Variants in EBF3 observed in about 807,000 individuals in gnomAD.
EBF3 encodes transcription factor COE3.
In EBF3, 18 loss-of-function variants were observed where a neutral mutation model predicts 77.1. The ratio of observed to expected loss-of-function variants is 0.23; its 90% CI spans 0.16 to 0.35. The LOEUF (loss-of-function observed/expected upper bound fraction) is 0.35. Ranked by LOEUF, EBF3 falls within the 10% of genes least tolerant of loss-of-function variation. The pLI is 1.00. For missense variants in EBF3, 558 were observed against 860.0 expected, an observed-to-expected ratio of 0.65 and a Z score of 4.39; for synonymous variants, 350 against 343.5, an observed-to-expected ratio of 1.02 and a Z score of -0.21.
rs750469936 is a variant in EBF3 at position 129,840,888 on chromosome 10, G to A, written c.1517C>T (p.Ser506Leu). ...GGAGGAGCCATTAAGAAATCCAGGCGAGCCAGGGACCCCTAGACTGGCCAT... is the reference window on the plus strand; with the variant it reads ...GGAGGAGCCATTAAGAAATCCAGGCAAGCCAGGGACCCCTAGACTGGCCAT... ...GAMASLGVPG[S>L]PGFLNGSSAN... is the part of the protein sequence containing the mutation. Residue 506 changes from serine to leucine, a missense_variant, in exon 14 of 17, where the codon TCG becomes TTG. Transcript: ENST00000440978. The A allele has an allele frequency of 1.2e-6, 2 of 1,613,900 alleles. No individual in the cohort carries two copies. The highest frequency in any genetic ancestry group is 1.1e-5 in the South Asian group (1 of 91,046).
intron 6 of EBF3, among the ~76,000 whole-genome samples, chr10:129,896,563 C>T (rs1854398366): frequency 6.6e-6 from 1 of 152,200 alleles, no homozygotes; most frequent in Admixed American, 6.5e-5. Context: ...TGTCCCTGCA[C>T]AGCGAGTGGG....
chr10:129,925,204 C>A (rs1367880059), intron 6 of EBF3, among the ~76,000 whole-genome samples: 1 of 151,544 alleles, frequency 6.6e-6, no homozygotes, highest in East Asian at 1.9e-4. Flanking sequence ...CTTTGGGAGG[C>A]TGAGGCGGGC....
intron 6 of EBF3, among the ~76,000 whole-genome samples, chr10:129,891,023 G>T (rs1853984718): frequency 6.6e-6 from 1 of 152,044 alleles, no homozygotes; most frequent in Non-Finnish European, 1.5e-5. Flanking sequence ...GCTTGCCTGA[G>T]TATTTTATTA....
intron 6 of EBF3, among the ~76,000 whole-genome samples, chr10:129,915,876 C>G (rs935173314): frequency 6.6e-6 from 1 of 152,186 alleles, no homozygotes; most frequent in Non-Finnish European, 1.5e-5. Flanking sequence ...CTGGCTCCTT[C>G]CCGGGTGGCA....
chr10:129,843,329 C>G, intron 11 of EBF3, 127 bp from the exon 12 acceptor site: 1 of 937,606 alleles, frequency 1.1e-6, no homozygotes, highest in Non-Finnish European at 1.6e-6. Flanking sequence ...CCTGGCCCTG[C>G]CGTGCACTTC....
rs145573146 is a variant in EBF3 at position 129,928,795 on chromosome 10, T to C, written c.554+28463A>G. On this transcript the variant is annotated intron_variant, in intron 6 of 16. Transcript: ENST00000440978. ...CTGAGAGTCAGTTTACGGCTGACCATTGAGATGAGCACTGCAATAATCACT... is the reference window on the plus strand; with the variant it reads ...CTGAGAGTCAGTTTACGGCTGACCACTGAGATGAGCACTGCAATAATCACT... 5.6e-3 allele frequency among the ~76,000 whole-genome samples: 855 copies of C among 152,338 alleles called. 8 individuals are homozygous for C. Among genetic ancestry groups the C allele is most frequent in the African/African-American group, 0.019 (809 of 41,578 alleles).
rs1851893424 is a variant in EBF3, at chr10:129,864,976, A to G, written c.1039+2165T>C. 6.6e-6 allele frequency among the ~76,000 whole-genome samples: 1 copy of G among 152,236 alleles called. No homozygotes were observed. Among genetic ancestry groups the G allele is most frequent in the African/African-American group, 2.4e-5 (1 of 41,466 alleles). On this transcript the variant is annotated intron_variant, in intron 10 of 16. Transcript: ENST00000440978. The surrounding 1 kb of genome is among the most constrained non-coding windows in gnomAD (Gnocchi z 4.4). ...CCGATCCTTGCCAAAACCTTGCCAG[A>G]TAGAGCAGAGGAGAAATTGGGACCA...
intron 4 of EBF3, among the ~76,000 whole-genome samples, chr10:129,961,914 C>T (rs1859553887): frequency 6.6e-6 from 1 of 152,046 alleles, no homozygotes; most frequent in Admixed American, 6.5e-5. Flanking sequence ...TATTAATTAC[C>T]ATAATTAATT....
chr10:129,934,465 G>A (rs1857227206), intron 6 of EBF3, among the ~76,000 whole-genome samples: 1 of 152,146 alleles, frequency 6.6e-6, no homozygotes, highest in Non-Finnish European at 1.5e-5. Flanking sequence ...CCGCACACAG[G>A]GACCTGCAGG....
chr10:129,842,297 C>T lies in EBF3; in HGVS notation c.1195-4G>A, dbSNP rs754552537. ...CCGCTCGCTTCAAGATGATCTCCTG[C>T]AGCAGGAGCAAGTGGGAGCCGGCCT... On this transcript the variant is annotated splice_region_variant and splice_polypyrimidine_tract_variant and intron_variant, in intron 12 of 16. Transcript: ENST00000440978. The surrounding 1 kb of genome is among the most constrained non-coding windows in gnomAD (Gnocchi z 4.4). 1.9e-6 allele frequency: 3 copies of T among 1,576,184 alleles called. No homozygotes were observed. Among genetic ancestry groups the T allele is most frequent in the Non-Finnish European group, 2.6e-6 (3 of 1,159,260 alleles).
Position 129,836,457 on chromosome 10 carries a change from C to T in EBF3, c.*1486G>A, listed in dbSNP as rs930268527. On this transcript the variant is annotated 3_prime_UTR_variant, in exon 17 of 17. Coordinates refer to ENST00000440978, the MANE Select transcript of EBF3 (RefSeq NM_001375380.1). ...CACCTCTTCGCGGCCGCTCCACATG[C>T]ACAGAATCTACTAGGATTTGTCACG... 2.6e-5 allele frequency: 4 copies of T among 152,686 alleles called. No individual in the cohort carries two copies. The highest frequency in any genetic ancestry group is 2.1e-4 in the South Asian group (1 of 4,824). 9.5% of individuals were successfully genotyped at this position (152,686 alleles called of 1,614,324 possible).
chr10:129,944,230 T>C lies in EBF3; in HGVS notation c.554+13028A>G, dbSNP rs1858008696. Among the ~76,000 whole-genome samples the C allele has an allele frequency of 6.6e-6, 1 of 152,188 alleles. No individual in the cohort carries two copies. On this transcript the variant is annotated intron_variant, in intron 6 of 16. Coordinates refer to ENST00000440978, the MANE Select transcript of EBF3 (RefSeq NM_001375380.1). The surrounding 1 kb of genome is among the most constrained non-coding windows in gnomAD (Gnocchi z 5.1). ...CAGTTACAATAACATTAAAATATAT[T>C]GTTTATTTGCGGGTGGGGTCATTTC...
rs201846192 is a variant in EBF3, at chr10:129,841,030, C to T, written c.1375G>A (p.Gly459Ser). Residue 459 changes from glycine (G) to serine (S), a missense_variant and splice_region_variant, in exon 14 of 17, where the codon GGC (glycine) becomes AGC (serine). Physicochemically the swap from Gly to Ser is moderately conservative, Grantham distance 56 (BLOSUM62 0). Around this residue, in one of 5 missense-constraint regions of EBF3, gnomAD observed 284 missense variants for 368.3 expected, o/e 0.77. Coordinates refer to ENST00000440978, the MANE Select transcript of EBF3 (RefSeq NM_001375380.1). This position sits in a 1 kb window ranked among gnomAD's most constrained non-coding sequence, Gnocchi z 4.6. The part of the protein sequence containing the change: ...SETSQANDQV[G>S]YSRNTSSVSP... ...ACGCTGCTTGTATTGCGACTGTAGC[C>T]GACTGTTGAAATCCCCCCCCCGGCC... 7 of 1,577,500 alleles carry T rather than the reference C, an allele frequency of 4.4e-6. No homozygotes were observed. Among genetic ancestry groups the T allele is most frequent in the South Asian group, 3.4e-5 (3 of 88,056 alleles).
chr10:129,883,947 T>C (rs944760566), intron 6 of EBF3, among the ~76,000 whole-genome samples: 6 of 152,174 alleles, frequency 3.9e-5, no homozygotes, highest in African/African-American at 1.2e-4. Context: ...ACAAAAAACG[T>C]CCTGCCCCGA....
chr10:129,884,008 T>C (rs1174376693), intron 6 of EBF3, among the ~76,000 whole-genome samples: 1 of 152,226 alleles, frequency 6.6e-6, no homozygotes, highest in African/African-American at 2.4e-5. Flanking sequence ...TGGGGGCCGG[T>C]GGCTGCAGCC....
At chr10:129,901,625 CAA>C (rs1367237807) in intron 6 of EBF3, among the ~76,000 whole-genome samples, 1 of 152,192 alleles carries the variant, frequency 6.6e-6, no homozygotes, top group Non-Finnish European at 1.5e-5. Flanking sequence ...GTAAATAAAA[CAA>C]AGACTGACAG....
intron 16 of EBF3, 151 bp from the exon 17 acceptor site, chr10:129,838,111 G>T: frequency 2.2e-6 from 2 of 895,640 alleles, no homozygotes; most frequent in South Asian, 1.6e-5. Context: ...TGGTTAGGGC[G>T]TGCTGGGGAA....
intron 8 of EBF3, among the ~76,000 whole-genome samples, chr10:129,869,867 C>T (rs1440646771): frequency 2.0e-5 from 3 of 152,130 alleles, no homozygotes; most frequent in African/African-American, 4.8e-5. Flanking sequence ...CTGAGGCTTC[C>T]GAATGACATT....
chr10:129,877,543 C>T (rs1224582552), intron 7 of EBF3, among the ~76,000 whole-genome samples: 1 of 149,096 alleles, frequency 6.7e-6, no homozygotes, highest in African/African-American at 2.5e-5. Flanking sequence ...GTTCGCTGTT[C>T]GCTATATTGT....
Sources: allele counts gnomAD v4.1 joint callset (sites outside exome capture counted in the v4.1 genomes callset), GRCh38; gene constraint gnomAD v4.1.1; regional missense constraint gnomAD v4.1.1; non-coding constraint Gnocchi (gnomAD v3.1); transcripts MANE v1.5; gene names NCBI Gene and HGNC (gene_info 2026-07-23, HGNC 2026-07-21).